PXDNL: variants seen among roughly 807,000 people sequenced by gnomAD.
PXDNL encodes probable oxidoreductase PXDNL.
A neutral mutation model predicts 150.8 loss-of-function variants in PXDNL; 145 were observed. That is an observed-to-expected ratio of 0.96 (90% CI 0.84 to 1.10). The LOEUF is 1.10. Ranked by LOEUF, PXDNL falls within the 50% of genes least tolerant of loss-of-function variation. PXDNL has a pLI of 0.00. For missense variants in PXDNL, 2,087 were observed against 1,873.9 expected (o/e 1.11, Z -2.10); for synonymous variants, 757 against 725.7 (o/e 1.04, Z -0.69).
At chr8:51,477,063 T>C (rs1456730864) in intron 6 of PXDNL, among the ~76,000 whole-genome samples, 2 of 152,212 alleles carry the variant, frequency 1.3e-5, no homozygotes, top group Non-Finnish European at 2.9e-5. Context: ...AACCTGAAAG[T>C]AAAGAAATTG....
At chr8:51,734,729 C>G (rs973775067) in intron 1 of PXDNL, among the ~76,000 whole-genome samples, 1 of 152,130 alleles carries the variant, frequency 6.6e-6, no homozygotes, top group Non-Finnish European at 1.5e-5. Context: ...CTCTTTAAAA[C>G]CTCCAAGGAA....
intron 19 of PXDNL, among the ~76,000 whole-genome samples, chr8:51,368,186 A>T (rs749256613): frequency 6.6e-5 from 10 of 152,288 alleles, no homozygotes; most frequent in Middle Eastern, 3.4e-3. Flanking sequence ...TTCATCAAAC[A>T]TAATAAATGA....
intron 1 of PXDNL, among the ~76,000 whole-genome samples, chr8:51,701,779 T>A (rs1041867882): frequency 2.0e-5 from 3 of 149,492 alleles, no homozygotes; most frequent in Admixed American, 6.8e-5. Context: ...CTCAACTATA[T>A]CTTGATTTAA....
chr8:51,533,954 G>C (rs1488723581), intron 4 of PXDNL, among the ~76,000 whole-genome samples: 2 of 150,532 alleles, frequency 1.3e-5, no homozygotes, highest in African/African-American at 5.0e-5. Flanking sequence ...CCATCGTCTG[G>C]GATACGAGGA....
In PXDNL at chr8:51,409,390, G is replaced by A; in HGVS notation, c.2234C>T (p.Ala745Val). The change falls in exon 17 of 23, where the codon GCG (alanine) becomes GTG (valine). Residue 745 changes from alanine to valine, a missense_variant. Ala to Val is a moderately conservative substitution (Grantham distance 64). Coordinates refer to ENST00000356297, the MANE Select transcript of PXDNL (RefSeq NM_144651.5). ...CAGCAGGCGCGCGAAGGCGGTCAGC[G>A]CCGCGCCCCACGTGGGCTGCTGCAG... ...NNLQQPTWGAALTAFARLLQP... is the reference protein window; with the variant it reads ...NNLQQPTWGAVLTAFARLLQP... 6.2e-7 allele frequency: 1 copy of A among 1,605,366 alleles called. No homozygotes were observed.
At position 51,450,038 on chromosome 8, in the gene PXDNL, A is replaced by T. The variant is rs1352024101; in HGVS notation, c.1250-920T>A. The stretch of plus-strand genomic sequence containing the variant: ...CGATTATGTGCTAAACATGGGGTGG[A>T]TTATTTACGAGTTTTCTGGAAAGCG... On this transcript the variant is annotated intron_variant, in intron 10 of 22. Transcript: ENST00000356297. Among the ~76,000 whole-genome samples, 4 of 152,270 alleles carry T rather than the reference A, an allele frequency of 2.6e-5. No homozygotes were observed. In the East Asian group the frequency reaches 7.7e-4, roughly 29 times the overall value.
In PXDNL at chr8:51,319,952, C is replaced by T. The variant is rs199528987; in HGVS notation, c.4331G>A (p.Gly1444Glu). 169 of 1,579,436 alleles carry T rather than the reference C, an allele frequency of 1.1e-4. No individual in the cohort carries two copies. Among genetic ancestry groups the T allele is most frequent in the Non-Finnish European group, 1.4e-4 (162 of 1,163,910 alleles). ...APCPSPELVK[G>E]TCCPVCRDRG... ...GTCTCTGCAAACTGGACAGCAGGTT[C>T]CTTTCACCAATTCAGGACTGGGACA... is the stretch of plus-strand genomic sequence containing the variant. Residue 1444 changes from glycine to glutamate, a missense_variant, in exon 23 of 23, where the codon GGA becomes GAA. By Grantham distance (98) the Gly-to-Glu change is moderately conservative. Transcript: ENST00000356297.
At chr8:51,538,641 T>C (rs1204165548) in intron 4 of PXDNL, among the ~76,000 whole-genome samples, 1 of 151,778 alleles carries the variant, frequency 6.6e-6, no homozygotes, top group African/African-American at 2.4e-5. Flanking sequence ...GTGGTGGGCG[T>C]CTGTAATCCC....
chr8:51,427,279 A>G (rs998638558), intron 12 of PXDNL, among the ~76,000 whole-genome samples: 3 of 152,148 alleles, frequency 2.0e-5, no homozygotes, highest in Non-Finnish European at 4.4e-5. Context: ...AATCCCCAGG[A>G]AGGAATTAAA....
intron 17 of PXDNL, among the ~76,000 whole-genome samples, chr8:51,382,100 G>T: frequency 6.6e-6 from 1 of 152,094 alleles, no homozygotes; most frequent in Non-Finnish European, 1.5e-5. Flanking sequence ...GCCTCCCAAA[G>T]TGCTGGGATT....
At chr8:51,614,155 G>A (rs1300031670) in intron 2 of PXDNL, among the ~76,000 whole-genome samples, 1 of 152,178 alleles carries the variant, frequency 6.6e-6, no homozygotes, top group Non-Finnish European at 1.5e-5. Context: ...AAGAATCTAA[G>A]AGCAACAGAT....
chr8:51,552,476 AT>A (rs1369546924), intron 4 of PXDNL, among the ~76,000 whole-genome samples: 1 of 152,210 alleles, frequency 6.6e-6, no homozygotes, highest in Non-Finnish European at 1.5e-5. Flanking sequence ...TGGTATATAT[AT>A]ATACCATGAA....
intron 1 of PXDNL, among the ~76,000 whole-genome samples, chr8:51,763,661 C>A (rs2037192755): frequency 6.6e-6 from 1 of 151,946 alleles, no homozygotes; most frequent in Non-Finnish European, 1.5e-5. Flanking sequence ...AACTTCCATT[C>A]CTGCTCTGAA....
intron 21 of PXDNL, among the ~76,000 whole-genome samples, chr8:51,330,054 C>G (rs1805635716): frequency 6.6e-6 from 1 of 152,182 alleles, no homozygotes; most frequent in South Asian, 2.1e-4. Flanking sequence ...ACAGTTAATT[C>G]AACCTTCCTC....
chr8:51,459,475 T>G (rs1218318953), intron 8 of PXDNL, among the ~76,000 whole-genome samples: 1 of 152,226 alleles, frequency 6.6e-6, no homozygotes, highest in Admixed American at 6.5e-5. Context: ...ATCTATCATC[T>G]GGCTACACAA....
chr8:51,394,149 T>C (rs1808001626), intron 17 of PXDNL, among the ~76,000 whole-genome samples: 1 of 152,212 alleles, frequency 6.6e-6, no homozygotes. Flanking sequence ...GAGATTTGCC[T>C]CAAACTATTC....
intron 13 of PXDNL, among the ~76,000 whole-genome samples, chr8:51,425,950 T>C (rs1307605261): frequency 6.6e-6 from 1 of 152,220 alleles, no homozygotes; most frequent in East Asian, 1.9e-4. Flanking sequence ...TAATATATGG[T>C]AGCAATAAAA....
intron 5 of PXDNL, among the ~76,000 whole-genome samples, chr8:51,496,232 C>A (rs370623947): frequency 6.6e-6 from 1 of 152,154 alleles, no homozygotes; most frequent in Non-Finnish European, 1.5e-5. Flanking sequence ...ATTCAACAAC[C>A]TTCATGCTAA....
chr8:51,627,753 C>A (rs1814394187), intron 2 of PXDNL, among the ~76,000 whole-genome samples: 2 of 152,172 alleles, frequency 1.3e-5, no homozygotes, highest in Admixed American at 6.5e-5. Context: ...CCTTGCCCCA[C>A]CCCCATCCTG....
Sources: allele counts gnomAD v4.1 joint callset (sites outside exome capture counted in the v4.1 genomes callset), GRCh38; gene constraint gnomAD v4.1.1; transcripts MANE v1.5; gene names NCBI Gene and HGNC (gene_info 2026-07-23, HGNC 2026-07-21).